Variants in MGAT4A observed in about 807,000 individuals in gnomAD.
MGAT4A encodes the protein alpha-1,3-mannosyl-glycoprotein 4-beta-N-acetylglucosaminyltransferase A.
Under a neutral mutation model 74.1 loss-of-function variants are expected in MGAT4A, and 33 were observed. The ratio of observed to expected loss-of-function variants is 0.45; its 90% CI spans 0.34 to 0.60. The LOEUF is 0.60. Ranked by LOEUF, MGAT4A falls within the 20% of genes least tolerant of loss-of-function variation. MGAT4A has a pLI of 0.02. For missense variants in MGAT4A, 479 were observed against 628.3 expected (o/e 0.76, Z 2.54); for synonymous variants, 198 against 210.4 (o/e 0.94, Z 0.51).
intron 2 of MGAT4A, among the ~76,000 whole-genome samples, chr2:98,711,016 G>T (rs533247492): frequency 3.0e-4 from 46 of 151,974 alleles, no homozygotes; most frequent in African/African-American, 9.6e-4. Context: ...GTGATCTGTC[G>T]TAAAATAACC....
Position 98,663,196 on chromosome 2 carries a change from TAATTA to T in MGAT4A, c.404-22_404-18del. 1.9e-6 allele frequency: 3 copies of T among 1,562,326 alleles called. No homozygotes were observed. Among genetic ancestry groups the T allele is most frequent in the Non-Finnish European group, 2.6e-6 (3 of 1,155,392 alleles). ...CTATTGAAACTGGAAAAAAAAATAGTAATTATATTAAAAAACTGTACAAGGACAAT... is the reference window on the plus strand; with the variant it reads ...CTATTGAAACTGGAAAAAAAAATAGTTATTAAAAAACTGTACAAGGACAAT... On this transcript the variant is annotated intron_variant, in intron 4 of 15. Coordinates refer to ENST00000393487, the MANE Select transcript of MGAT4A (RefSeq NM_012214.3).
intron 8 of MGAT4A, among the ~76,000 whole-genome samples, chr2:98,649,662 C>T (rs940534153): frequency 2.0e-5 from 3 of 152,074 alleles, no homozygotes; most frequent in African/African-American, 4.8e-5. Flanking sequence ...GGCCACAGTG[C>T]TGCAGAGCTC....
At position 98,628,372 on chromosome 2, in the gene MGAT4A, C is replaced by T. The variant is rs747926062; in HGVS notation, c.1469-2537G>A. 6.4e-4 allele frequency among the ~76,000 whole-genome samples: 97 copies of T among 152,328 alleles called. No homozygotes were observed. In the Middle Eastern group the frequency reaches 0.027, roughly 43 times the overall value. On this transcript the variant is annotated intron_variant, in intron 14 of 15. Transcript: ENST00000393487. The stretch of plus-strand genomic sequence containing the variant: ...AAACAATTGTTATTGCTGAAAGCCT[C>T]CTATCCTTAAATAAGTTTACTTTCT...
chr2:98,719,734 C>T (rs1427907098), intron 2 of MGAT4A, among the ~76,000 whole-genome samples: 4 of 152,194 alleles, frequency 2.6e-5, no homozygotes, highest in Non-Finnish European at 4.4e-5. Flanking sequence ...GCAACCTCCG[C>T]CTCCTGGGTT....
chr2:98,658,097 C>T, intron 6 of MGAT4A, 121 bp downstream of exon 6: 1 of 661,478 alleles, frequency 1.5e-6, no homozygotes, highest in Non-Finnish European at 2.7e-6. Flanking sequence ...CAGAGGTGAT[C>T]TAATAAACAA....
Position 98,625,577 on chromosome 2 carries a change from C to CT in MGAT4A, c.1596dup (p.Ala533SerfsTer7). On this transcript the variant is annotated frameshift_variant, in exon 16 of 16. Coordinates refer to ENST00000393487, the MANE Select transcript of MGAT4A (RefSeq NM_012214.3). LOFTEE classifies it high-confidence loss of function. ...GGTTTCTCAGATGATCAGTTGGTGG[C>CT]TTTTTTAATATGAATCTGAAATACA... 1 of 1,608,470 alleles carries CT rather than the reference C, an allele frequency of 6.2e-7. No homozygotes were observed. Among genetic ancestry groups the CT allele is most frequent in the Non-Finnish European group, 8.5e-7 (1 of 1,178,048 alleles).
intron 14 of MGAT4A, among the ~76,000 whole-genome samples, chr2:98,634,200 C>G (rs2104223490): frequency 6.6e-6 from 1 of 152,280 alleles, no homozygotes; most frequent in Non-Finnish European, 1.5e-5. Flanking sequence ...CCCTCCCTCT[C>G]CAGGGGAGCA....
At chr2:98,722,549 G>C (rs533805959) in intron 2 of MGAT4A, among the ~76,000 whole-genome samples, 2 of 152,276 alleles carry the variant, frequency 1.3e-5, no homozygotes, top group African/African-American at 4.8e-5. Flanking sequence ...GGGAGGTAGG[G>C]ATTAGGACAG....
intron 2 of MGAT4A, among the ~76,000 whole-genome samples, chr2:98,690,115 A>G (rs1486843470): frequency 6.6e-6 from 1 of 152,298 alleles, no homozygotes; most frequent in South Asian, 2.1e-4. Context: ...TACTCCAGCC[A>G]TATACCATGA....
At position 98,621,270 on chromosome 2, in the gene MGAT4A, G is replaced by A. The variant is rs1701056969; in HGVS notation, c.*4296C>T. ...TTGGCCAGGCTGGGTCTTATCTGGA[G>A]ACTGGAGATGAATGCCTTTCCAAGC... On this transcript the variant is annotated 3_prime_UTR_variant, in exon 16 of 16. Transcript: ENST00000393487. 1 of 1,141,672 alleles carries A rather than the reference G, an allele frequency of 8.8e-7. No individual in the cohort carries two copies. Among genetic ancestry groups the A allele is most frequent in the African/African-American group, 1.6e-5 (1 of 63,172 alleles). The allele number at this position is 1,141,672 out of a possible 1,614,324, so 70.7% of individuals were successfully genotyped here. A position where few individuals can be genotyped will look rare whatever the true frequency, so the allele number is the denominator to read the frequency against.
chr2:98,656,526 T>C lies in MGAT4A; in HGVS notation c.585-61A>G, dbSNP rs533209952. 3 of 1,106,926 alleles carry C rather than the reference T, an allele frequency of 2.7e-6. No homozygotes were observed. In the South Asian group the frequency reaches 4.0e-5, roughly 15 times the overall value. The allele number at this position is 1,106,926 out of a possible 1,614,324, so 68.6% of individuals were successfully genotyped here. ...TGTGGGATTTTATTTATCTTAAAGC[T>C]CAATACACTGTGTTTAACATAAAAC... On this transcript the variant is annotated intron_variant, in intron 6 of 15. Coordinates refer to ENST00000393487, the MANE Select transcript of MGAT4A (RefSeq NM_012214.3).
intron 5 of MGAT4A, 115 bp from the exon 6 acceptor site, chr2:98,658,379 AT>A: frequency 1.6e-6 from 1 of 607,738 alleles, no homozygotes; most frequent in Non-Finnish European, 2.8e-6. Flanking sequence ...CATACATTAA[AT>A]TTTTAGACAA....
rs1423325585 is a variant in MGAT4A at position 98,727,346 on chromosome 2, T to C, written c.-235-779A>G. Among the ~76,000 whole-genome samples, 5 of 152,142 alleles carry C rather than the reference T, an allele frequency of 3.3e-5. No homozygotes were observed. In the East Asian group the frequency reaches 9.6e-4, roughly 29 times the overall value. On this transcript the variant is annotated intron_variant, in intron 1 of 15. Coordinates refer to ENST00000393487, the MANE Select transcript of MGAT4A (RefSeq NM_012214.3). ...ATCACCACTGATCGAACAAAGCTGTTGGGAAAAGGGAAAGAAATGAAGTCT... is the reference window on the plus strand; with the variant it reads ...ATCACCACTGATCGAACAAAGCTGTCGGGAAAAGGGAAAGAAATGAAGTCT...
intron 8 of MGAT4A, among the ~76,000 whole-genome samples, chr2:98,647,048 A>T (rs1002383134): frequency 3.9e-5 from 6 of 152,254 alleles, no homozygotes; most frequent in Non-Finnish European, 7.3e-5. Context: ...ATAAAGGAAG[A>T]AAAATTCTTT....
At chr2:98,671,717 C>G (rs950281987) in intron 4 of MGAT4A, among the ~76,000 whole-genome samples, 1 of 151,874 alleles carries the variant, frequency 6.6e-6, no homozygotes, top group Non-Finnish European at 1.5e-5. Flanking sequence ...CCTTACATGG[C>G]AAAAGGGACT....
chr2:98,677,538 C>T (rs981199408), intron 3 of MGAT4A, among the ~76,000 whole-genome samples: 13 of 152,076 alleles, frequency 8.5e-5, no homozygotes, highest in African/African-American at 2.4e-4. Context: ...CTACAACCTC[C>T]GCCTCAAGAG....
intron 12 of MGAT4A, among the ~76,000 whole-genome samples, chr2:98,637,938 A>T (rs1354691248): frequency 6.6e-6 from 1 of 152,138 alleles, no homozygotes; most frequent in Non-Finnish European, 1.5e-5. Flanking sequence ...GTTACGTGGG[A>T]ATTCTTGGGG....
At chr2:98,719,140 C>T (rs1227570299) in intron 2 of MGAT4A, among the ~76,000 whole-genome samples, 2 of 151,962 alleles carry the variant, frequency 1.3e-5, no homozygotes, top group South Asian at 4.1e-4. Context: ...CAGGAGAGAA[C>T]CTGCAAAAGA....
At chr2:98,629,622 A>G (rs1179420199) in intron 14 of MGAT4A, among the ~76,000 whole-genome samples, 1 of 152,242 alleles carries the variant, frequency 6.6e-6, no homozygotes, top group African/African-American at 2.4e-5. Flanking sequence ...GTATAAGAAC[A>G]GTACATACAC....
Sources: allele counts gnomAD v4.1 joint callset (sites outside exome capture counted in the v4.1 genomes callset), GRCh38; gene constraint gnomAD v4.1.1; transcripts MANE v1.5; gene names NCBI Gene and HGNC (gene_info 2026-07-23, HGNC 2026-07-21).